The following TMEM245 variants were observed in gnomAD, a reference collection of about 807,000 sequenced individuals.
The protein encoded by TMEM245 is transmembrane protein 245, also known as protein CG-2.
In TMEM245, 69 loss-of-function variants were observed where a neutral mutation model predicts 101.2. The ratio of observed to expected loss-of-function variants is 0.68; its 90% CI spans 0.56 to 0.83. The LOEUF (loss-of-function observed/expected upper bound fraction) is 0.83, where lower values mean the gene tolerates loss of function less well. TMEM245 is among the 40% of genes least tolerant of loss of function. The pLI, the probability that TMEM245 is intolerant of heterozygous loss-of-function variation, is 0.00. For synonymous variants in TMEM245, 537 were observed against 449.8 expected (o/e 1.19, Z -2.45); for missense variants, 1,075 against 1,092.8 (o/e 0.98, Z 0.23).
At chr9:109,029,057 C>CT (rs1282914274) in intron 17 of TMEM245, among the ~76,000 whole-genome samples, 1 of 152,000 alleles carries the variant, frequency 6.6e-6, no homozygotes, top group Non-Finnish European at 1.5e-5. Context: ...ACATTTTACT[C>CT]TAAGGAAATA....
chr9:109,078,972 G>A (rs1473354570), intron 8 of TMEM245, among the ~76,000 whole-genome samples: 1 of 152,110 alleles, frequency 6.6e-6, no homozygotes, highest in Non-Finnish European at 1.5e-5. Context: ...GGCAACAAAG[G>A]CAAAAATAGA....
chr9:109,050,546 G>A, intron 13 of TMEM245, 24 bp downstream of exon 13: 4 of 1,613,814 alleles, frequency 2.5e-6, no homozygotes, highest in Non-Finnish European at 3.4e-6. Context: ...GAAATATGAC[G>A]TGTACTTATC....
chr9:109,030,120 T>A (rs565980771), intron 17 of TMEM245, among the ~76,000 whole-genome samples: 3 of 152,332 alleles, frequency 2.0e-5, no homozygotes, highest in Non-Finnish European at 2.9e-5. Flanking sequence ...AGTTATTAGA[T>A]GATGCCTATA....
intron 7 of TMEM245, among the ~76,000 whole-genome samples, chr9:109,084,756 G>C (rs999924050): frequency 2.0e-4 from 31 of 152,130 alleles, no homozygotes; most frequent in African/African-American, 5.6e-4. Context: ...ACTTATATTT[G>C]CACATCATTT....
At chr9:109,082,750 T>C (rs1308351802) in intron 7 of TMEM245, among the ~76,000 whole-genome samples, 3 of 152,144 alleles carry the variant, frequency 2.0e-5, no homozygotes, top group East Asian at 1.9e-4. Flanking sequence ...ATATAAAACA[T>C]AGAATATTCA....
At chr9:109,026,582 A>T (rs1190343849) in intron 17 of TMEM245, among the ~76,000 whole-genome samples, 1 of 151,574 alleles carries the variant, frequency 6.6e-6, no homozygotes, top group Non-Finnish European at 1.5e-5. Flanking sequence ...CATGAAAGAA[A>T]AAAAAAAGAA....
chr9:109,093,394 GATGCTGGTGTCCT>G, intron 4 of TMEM245, 68 bp downstream of exon 4: 3 of 1,145,750 alleles, frequency 2.6e-6, no homozygotes, highest in East Asian at 2.4e-5. Context: ...AGCATTTTGT[GATGCTGGTGTCCT>G]GAATTTTACT....
intron 17 of TMEM245, among the ~76,000 whole-genome samples, chr9:109,032,272 T>A (rs1299769687): frequency 6.6e-6 from 1 of 151,536 alleles, no homozygotes; most frequent in Non-Finnish European, 1.5e-5. Flanking sequence ...CATGTTCAAA[T>A]TTCCCCAATT....
intron 5 of TMEM245, among the ~76,000 whole-genome samples, chr9:109,087,781 T>C (rs1193602770): frequency 6.6e-6 from 1 of 152,224 alleles, no homozygotes. Flanking sequence ...TGCTCGTTAT[T>C]TAGTGACCAG....
Position 109,107,417 on chromosome 9 carries a change from A to AAAT in TMEM245, c.698-809_698-808insATT, listed in dbSNP as rs57533357. 4.9e-5 allele frequency among the ~76,000 whole-genome samples: 7 copies of AAAT among 144,118 alleles called. 2 individuals carry two copies. The highest frequency in any genetic ancestry group is 4.1e-4 in the East Asian group (2 of 4,888). 94.5% of individuals were successfully genotyped at this position (144,118 alleles called of 152,430 possible). On this transcript the variant is annotated intron_variant, in intron 2 of 17. Coordinates refer to ENST00000374586, the MANE Select transcript of TMEM245 (RefSeq NM_032012.4). ...CTGTCTCAAAAAAAAAAAAAAAAAA[A>AAAT]GTTCACAAGTCACCAAGAAACAGGT...
At chr9:109,031,743 T>C (rs1006446491) in intron 17 of TMEM245, among the ~76,000 whole-genome samples, 2 of 152,214 alleles carry the variant, frequency 1.3e-5, no homozygotes, top group Non-Finnish European at 2.9e-5. Context: ...TTTGGCTATT[T>C]AGATGTACAT....
intron 12 of TMEM245, among the ~76,000 whole-genome samples, chr9:109,055,645 T>TC (rs1478287018): frequency 1.7e-4 from 26 of 151,144 alleles, no homozygotes; most frequent in Non-Finnish European, 4.4e-5. Flanking sequence ...TTCTTTTTTT[T>TC]TTTTTTAAGA....
intron 15 of TMEM245, among the ~76,000 whole-genome samples, chr9:109,037,037 G>C (rs1412386427): frequency 3.9e-5 from 6 of 152,156 alleles, no homozygotes; most frequent in Admixed American, 2.6e-4. Flanking sequence ...CAGTAGAGAA[G>C]AACGTGAATG....
At chr9:109,088,586 G>A (rs879022749) in intron 5 of TMEM245, among the ~76,000 whole-genome samples, 1 of 151,806 alleles carries the variant, frequency 6.6e-6, no homozygotes, top group South Asian at 2.1e-4. Context: ...ATCCCAGGCC[G>A]AGGCGGGCGG....
chr9:109,094,887 A>G (rs1013273328), intron 3 of TMEM245, among the ~76,000 whole-genome samples: 8 of 152,162 alleles, frequency 5.3e-5, no homozygotes, highest in African/African-American at 1.9e-4. Flanking sequence ...AAGAGCCATG[A>G]TCCTTCAGAA....
chr9:109,106,746 A>T (rs1412952031), intron 2 of TMEM245, 137 bp from the exon 3 acceptor site: 3 of 602,590 alleles, frequency 5.0e-6, no homozygotes, highest in Non-Finnish European at 8.4e-6. Flanking sequence ...CAAAAAAAAA[A>T]AAATTTAAGT....
At position 109,060,445 on chromosome 9, in the gene TMEM245, T is replaced by G; in HGVS notation, c.1631A>C (p.Lys544Thr). 6.2e-7 allele frequency: 1 copy of G among 1,611,112 alleles called. No homozygotes were observed. Reference protein sequence around the residue: ...GREWITHKLHKILGDKVNNTA... With the variant: ...GREWITHKLHTILGDKVNNTA... Reference sequence around the variant, plus strand: ...ATTGTTCACCTTATCTCCTAGAATTTTATGGAGCTAGAAAAAAACACAGAT... The same window carrying G: ...ATTGTTCACCTTATCTCCTAGAATTGTATGGAGCTAGAAAAAAACACAGAT... Residue 544 changes from lysine (K) to threonine (T), a missense_variant, in exon 11 of 18, where the codon AAA (lysine) becomes ACA (threonine). This residue lies in a region of TMEM245 where 808 missense variants were observed against 741.5 expected (regional missense o/e 1.09). Coordinates refer to ENST00000374586, the MANE Select transcript of TMEM245 (RefSeq NM_032012.4).
Position 109,050,606 on chromosome 9 carries a change from G to A in TMEM245, c.1941C>T (p.Tyr647=), listed in dbSNP as rs1828646434. The A allele has an allele frequency of 1.9e-6, 3 of 1,613,816 alleles. No individual in the cohort carries two copies. Among genetic ancestry groups the A allele is most frequent in the Admixed American group, 1.7e-5 (1 of 59,964 alleles). ...CAAAATTGAGAAGGGCTGTCCCGCT[G>A]TAGAAGAGGATGGTCAAGAGTGTAG... The part of the protein sequence containing the change: ...TVTTLLTILF[Y]SGTALLNFVL... The change falls in exon 13 of 18, where the codon TAC becomes TAT. Residue 647 remains tyrosine, a synonymous_variant. Coordinates refer to ENST00000374586, the MANE Select transcript of TMEM245 (RefSeq NM_032012.4).
At position 109,016,836 on chromosome 9, in the gene TMEM245, C is replaced by T. The variant is rs1827460833; in HGVS notation, c.*3624G>A. ...CTATTTCCACTGTGAAATGCACACT[C>T]AAAGTCCTATTGTAATATTATTTTA... On this transcript the variant is annotated 3_prime_UTR_variant, in exon 18 of 18. Coordinates refer to ENST00000374586, the MANE Select transcript of TMEM245 (RefSeq NM_032012.4). 1 of 152,144 alleles carries T rather than the reference C, an allele frequency of 6.6e-6. No individual in the cohort carries two copies. Among genetic ancestry groups the T allele is most frequent in the Non-Finnish European group, 1.5e-5 (1 of 68,020 alleles). The allele number at this position is 152,144 out of a possible 1,614,324, so 9.4% of individuals were successfully genotyped here.
Sources: gnomAD v4.1 joint callset for allele counts (sites outside exome capture counted in the v4.1 genomes callset) on GRCh38, gnomAD v4.1.1 for gene constraint, gnomAD v4.1.1 regional missense constraint, MANE v1.5 for transcripts, NCBI Gene and HGNC (gene_info 2026-07-23, HGNC 2026-07-21) for gene names.